SENP8: variants seen among roughly 807,000 people sequenced by gnomAD.
SENP8 encodes SUMO peptidase family member, NEDD8 specific.
SENP8 carries 10 observed loss-of-function variants against 14.4 expected under a neutral mutation model. The observed-to-expected ratio is 0.69, with a 90% CI of 0.43 to 1.18. The LOEUF (loss-of-function observed/expected upper bound fraction) is 1.18, where lower values mean the gene tolerates loss of function less well. Ranked by LOEUF, SENP8 falls within the 50% of genes most tolerant of loss-of-function variation. The pLI is 0.00. For synonymous variants in SENP8, 94 were observed against 95.5 expected, an observed-to-expected ratio of 0.98 and a Z score of 0.09; for missense variants, 202 against 249.4, an observed-to-expected ratio of 0.81 and a Z score of 1.28.
intron 1 of SENP8, among the ~76,000 whole-genome samples, chr15:72,119,430 G>A (rs954400022): frequency 6.6e-6 from 1 of 152,238 alleles, no homozygotes; most frequent in Non-Finnish European, 1.5e-5. Flanking sequence ...AGGAAGTTGA[G>A]ACAGTTGGCT....
At chr15:72,126,178 G>A (rs2081217105) in intron 1 of SENP8, among the ~76,000 whole-genome samples, 1 of 152,016 alleles carries the variant, frequency 6.6e-6, no homozygotes, top group African/African-American at 2.4e-5. Context: ...CTGTGGAACT[G>A]AGCTGTCCAG....
intron 1 of SENP8, 106 bp downstream of exon 1, chr15:72,118,570 C>G (rs775286617): frequency 6.6e-6 from 1 of 152,272 alleles, no homozygotes; most frequent in Non-Finnish European, 1.5e-5. Flanking sequence ...GACCTGGATT[C>G]TCAGCGCCGC....
intron 1 of SENP8, among the ~76,000 whole-genome samples, chr15:72,128,825 G>A (rs564346078): frequency 6.6e-6 from 1 of 152,294 alleles, no homozygotes; most frequent in East Asian, 1.9e-4. Flanking sequence ...TAAAATCGTA[G>A]CCAAAGCGAG....
upstream of SENP8, among the ~76,000 whole-genome samples, chr15:72,114,887 T>C (rs774091270): frequency 4.6e-5 from 7 of 152,236 alleles, no homozygotes; most frequent in Non-Finnish European, 8.8e-5. Context: ...TTAATATTCT[T>C]GGCAAATCAT....
At chr15:72,136,852 TGTC>T (rs2081332253) in intron 1 of SENP8, among the ~76,000 whole-genome samples, 1 of 152,218 alleles carries the variant, frequency 6.6e-6, no homozygotes, top group Admixed American at 6.5e-5. Context: ...TCAGAAATAT[TGTC>T]GTGCTGCCAG....
At chr15:72,138,951 T>C (rs899726362) in intron 1 of SENP8, among the ~76,000 whole-genome samples, 1 of 137,086 alleles carries the variant, frequency 7.3e-6, no homozygotes, top group African/African-American at 2.8e-5. Context: ...GGCGACAGAG[T>C]GTGACTCCAT....
In SENP8 at chr15:72,140,288, GA is replaced by G; in HGVS notation, c.*28del. 2 of 1,535,982 alleles carry G rather than the reference GA, an allele frequency of 1.3e-6. No homozygotes were observed. The highest frequency in any genetic ancestry group is 2.7e-5 in the African/African-American group (2 of 73,520). The stretch of plus-strand genomic sequence containing the variant: ...CTATTGAAGTATATTTGCGACTTTT[GA>G]AGGCTCCTCTTTCTGCCCTTCCCCA... On this transcript the variant is annotated 3_prime_UTR_variant, in exon 2 of 2. Transcript: ENST00000340912.
intron 1 of SENP8, chr15:72,134,725 AT>A (rs2081309757): frequency 4.5e-6 from 1 of 224,398 alleles, no homozygotes; most frequent in African/African-American, 2.3e-5. Context: ...TCCTTTGGCC[AT>A]GTATATGCGA....
At chr15:72,135,923 T>G (rs1384882160) in intron 1 of SENP8, among the ~76,000 whole-genome samples, 1 of 152,110 alleles carries the variant, frequency 6.6e-6, no homozygotes, top group African/African-American at 2.4e-5. Flanking sequence ...TCCGGGTTTT[T>G]GCCAAGCTAT....
At chr15:72,124,609 T>C (rs1375913953) in intron 1 of SENP8, among the ~76,000 whole-genome samples, 1 of 152,212 alleles carries the variant, frequency 6.6e-6, no homozygotes, top group East Asian at 1.9e-4. Context: ...GTTTGAACAT[T>C]TATGGAAAAG....
chr15:72,127,687 T>C (rs1368157074), intron 1 of SENP8, among the ~76,000 whole-genome samples: 1 of 152,158 alleles, frequency 6.6e-6, no homozygotes, highest in Non-Finnish European at 1.5e-5. Flanking sequence ...TAAACAATTA[T>C]TTTGATGGAG....
At chr15:72,127,093 T>C (rs1011881253) in intron 1 of SENP8, among the ~76,000 whole-genome samples, 4 of 152,206 alleles carry the variant, frequency 2.6e-5, no homozygotes, top group Non-Finnish European at 5.9e-5. Context: ...TATTCTACAA[T>C]TATTTATTGA....
intron 1 of SENP8, among the ~76,000 whole-genome samples, chr15:72,131,080 A>G (rs922230750): frequency 6.6e-6 from 1 of 152,186 alleles, no homozygotes; most frequent in South Asian, 2.1e-4. Context: ...GTGCATGCCT[A>G]TAGTCCCAGC....
chr15:72,129,586 A>G (rs1163447342), intron 1 of SENP8, among the ~76,000 whole-genome samples: 3 of 143,604 alleles, frequency 2.1e-5, no homozygotes, highest in Non-Finnish European at 3.0e-5. Context: ...CATGTTGGTC[A>G]GGCTGGTGTC....
chr15:72,121,626 G>A (rs1190770869), intron 1 of SENP8, among the ~76,000 whole-genome samples: 3 of 151,910 alleles, frequency 2.0e-5, no homozygotes, highest in Non-Finnish European at 2.9e-5. Flanking sequence ...CCATCTACAC[G>A]GGAGACTGAA....
chr15:72,115,278 A>T (rs758367741), upstream of SENP8, among the ~76,000 whole-genome samples: 1 of 152,190 alleles, frequency 6.6e-6, no homozygotes, highest in Non-Finnish European at 1.5e-5. Context: ...ATCTACTGCT[A>T]TCAACCCAGA....
intron 1 of SENP8, among the ~76,000 whole-genome samples, chr15:72,122,358 A>G (rs1003531681): frequency 5.0e-4 from 76 of 151,670 alleles, no homozygotes; most frequent in African/African-American, 1.8e-3. Context: ...TTGGATGGGA[A>G]AGAAGTTTAG....
At chr15:72,123,124 T>C (rs2081183058) in intron 1 of SENP8, among the ~76,000 whole-genome samples, 1 of 152,204 alleles carries the variant, frequency 6.6e-6, no homozygotes, top group African/African-American at 2.4e-5. Flanking sequence ...TAACTATCTA[T>C]GAAAAAAATA....
chr15:72,142,765 C>T lies in SENP8; in HGVS notation c.*2503C>T, dbSNP rs1184192091. Reference sequence around the variant, plus strand: ...ATGTTGAAGTTCACAAGCGCTGGTCCTAACCAGATCAGATAAAGTGGATTA... The same window carrying T: ...ATGTTGAAGTTCACAAGCGCTGGTCTTAACCAGATCAGATAAAGTGGATTA... On this transcript the variant is annotated 3_prime_UTR_variant, in exon 2 of 2. Transcript: ENST00000340912. 1.3e-5 allele frequency: 2 copies of T among 152,192 alleles called. No homozygotes were observed. The highest frequency in any genetic ancestry group is 1.3e-4 in the Admixed American group (2 of 15,288). 9.4% of individuals were successfully genotyped at this position (152,192 alleles called of 1,614,324 possible). A position where few individuals can be genotyped will look rare whatever the true frequency, so the allele number is the denominator to read the frequency against.
Sources: allele counts gnomAD v4.1 joint callset (sites outside exome capture counted in the v4.1 genomes callset), GRCh38; gene constraint gnomAD v4.1.1; transcripts MANE v1.5; gene names NCBI Gene and HGNC (gene_info 2026-07-23, HGNC 2026-07-21).